DORIP1: variants seen among roughly 807,000 people sequenced by gnomAD.
The protein encoded by DORIP1 is dopamine receptor-interacting protein 1.
At chr14:44,903,272 A>G in the DORIP1 span, 2 of 1,613,270 alleles carry the variant, frequency 1.2e-6, no homozygotes, top group African/African-American at 2.7e-5. Context: ...TTCTGTTCCA[A>G]GATTGAACTG....
the DORIP1 span, chr14:44,900,678 T>C: frequency 2.5e-6 from 4 of 1,612,622 alleles, no homozygotes; most frequent in Non-Finnish European, 3.4e-6. Flanking sequence ...GGGAACTCTC[T>C]CTTCATTTTG....
At chr14:44,897,491 C>T in the DORIP1 span, 1 of 206,822 alleles carries the variant, frequency 4.8e-6, no homozygotes, top group South Asian at 6.9e-5. Flanking sequence ...GCGGCGGCGG[C>T]GGCAGCCCGG....
At chr14:44,905,525 T>C in the DORIP1 span, 1 of 1,525,378 alleles carries the variant, frequency 6.6e-7, no homozygotes, top group East Asian at 2.3e-5. Flanking sequence ...TCATCATTGG[T>C]TTATATTCGA....
the DORIP1 span, chr14:44,904,042 T>G: frequency 1.0e-6 from 1 of 984,638 alleles, no homozygotes; most frequent in Non-Finnish European, 1.2e-6. Flanking sequence ...AGGAAGCAAT[T>G]AGAGTCATAT....
At chr14:44,903,130 A>G in the DORIP1 span, 10 of 1,024,268 alleles carry the variant, frequency 9.8e-6, no homozygotes, top group African/African-American at 1.4e-4. Flanking sequence ...TAAAGGACTG[A>G]GCTGTAAAAT....
At chr14:44,897,404 G>C in the DORIP1 span, 1 of 166,722 alleles carries the variant, frequency 6.0e-6, no homozygotes, top group African/African-American at 2.4e-5. Flanking sequence ...TGCCATGGAG[G>C]CCATGCCAGA....
chr14:44,901,626 T>C, the DORIP1 span, among the ~76,000 whole-genome samples: 17 of 152,228 alleles, frequency 1.1e-4, 1 homozygote, highest in Non-Finnish European at 2.5e-4. Context: ...TTAAGAGCGC[T>C]TAATACTGTT....
the DORIP1 span, chr14:44,905,628 T>G: frequency 3.3e-5 from 35 of 1,063,424 alleles, no homozygotes; most frequent in Non-Finnish European, 4.5e-5. Context: ...TGTGTATACT[T>G]GGTATCCAAG....
chr14:44,897,832 C>T, the DORIP1 span, among the ~76,000 whole-genome samples: 2 of 152,210 alleles, frequency 1.3e-5, no homozygotes, highest in East Asian at 1.9e-4. Context: ...CGCCTAGCGT[C>T]CGCCTTGTCC....
At chr14:44,902,288 G>A in the DORIP1 span, among the ~76,000 whole-genome samples, 2 of 151,958 alleles carry the variant, frequency 1.3e-5, no homozygotes, top group African/African-American at 2.4e-5. Context: ...CCAGTAGCTG[G>A]GACTACAGGT....
At chr14:44,904,046 G>A in the DORIP1 span, 2 of 984,902 alleles carry the variant, frequency 2.0e-6, no homozygotes, top group South Asian at 4.7e-5. Context: ...AGCAATTAGA[G>A]TCATATTTTT....
At chr14:44,904,907 C>G in the DORIP1 span, 1 of 175,542 alleles carries the variant, frequency 5.7e-6, no homozygotes, top group African/African-American at 2.4e-5. Flanking sequence ...TAAGATAGTA[C>G]CTGACACATA....
the DORIP1 span, chr14:44,900,497 C>T: frequency 1.3e-6 from 2 of 1,578,350 alleles, no homozygotes; most frequent in South Asian, 1.2e-5. Flanking sequence ...CAAGATCGAT[C>T]ATTTTGTAGG....
the DORIP1 span, chr14:44,900,409 TTC>T: frequency 1.1e-5 from 15 of 1,415,900 alleles, no homozygotes; most frequent in Admixed American, 5.4e-5. Context: ...ATTTTATGTG[TTC>T]TGTTTTAAAC....
the DORIP1 span, among the ~76,000 whole-genome samples, chr14:44,899,510 C>T: frequency 1.3e-5 from 2 of 152,238 alleles, no homozygotes; most frequent in East Asian, 3.9e-4. Context: ...TTCATGATTA[C>T]TCCTCATGCT....
At chr14:44,897,472 G>A in the DORIP1 span, 1 of 195,812 alleles carries the variant, frequency 5.1e-6, no homozygotes. Flanking sequence ...AGATGAGGCA[G>A]CGGCGGCGGC....
chr14:44,901,872 T>C, the DORIP1 span, among the ~76,000 whole-genome samples: 77 of 152,256 alleles, frequency 5.1e-4, no homozygotes, highest in African/African-American at 1.8e-3. Flanking sequence ...TCCCACCTGG[T>C]AAATGATAGG....
At chr14:44,903,219 A>T in the DORIP1 span, 1 of 1,611,638 alleles carries the variant, frequency 6.2e-7, no homozygotes, top group Non-Finnish European at 8.5e-7. Context: ...CTCCCCAAGA[A>T]ATTCCACATG....
At chr14:44,900,839 A>T in the DORIP1 span, 1 of 1,614,144 alleles carries the variant, frequency 6.2e-7, no homozygotes, top group Non-Finnish European at 8.5e-7. Flanking sequence ...TTTGGGAATG[A>T]GCATGATAAT....
Sources: allele counts gnomAD v4.1 joint callset (sites outside exome capture counted in the v4.1 genomes callset), GRCh38; gene constraint gnomAD v4.1.1; transcripts MANE v1.5; gene names NCBI Gene and HGNC (gene_info 2026-07-23, HGNC 2026-07-21).